The following ZNF722 variants were observed in gnomAD, a reference collection of about 807,000 sequenced individuals.
The protein encoded by ZNF722 is zinc finger protein 722, also known as zinc finger protein 479 pseudogene.
the ZNF722 span, among the ~76,000 whole-genome samples, chr7:64,006,753 A>G: frequency 6.6e-6 from 1 of 152,016 alleles, no homozygotes; most frequent in Non-Finnish European, 1.5e-5. Context: ...TACACAGGCC[A>G]TTCTGTTTTT....
the ZNF722 span, among the ~76,000 whole-genome samples, chr7:64,017,338 A>C: frequency 1.3e-5 from 1 of 76,218 alleles, no homozygotes; most frequent in Non-Finnish European, 3.4e-5. Flanking sequence ...GAGCCAACAC[A>C]GAGCTGCTAC....
the ZNF722 span, among the ~76,000 whole-genome samples, chr7:64,010,987 C>T: frequency 6.6e-6 from 1 of 151,984 alleles, no homozygotes; most frequent in East Asian, 1.9e-4. Flanking sequence ...ATCCCTTTAC[C>T]ATTATGTAAT....
At chr7:64,015,898 A>G in the ZNF722 span, 7 of 1,546,598 alleles carry the variant, frequency 4.5e-6, no homozygotes, top group African/African-American at 1.4e-5. Flanking sequence ...CATACTGGAG[A>G]GAAACCCTAC....
At chr7:64,010,851 G>T in the ZNF722 span, among the ~76,000 whole-genome samples, 6 of 152,222 alleles carry the variant, frequency 3.9e-5, no homozygotes, top group African/African-American at 1.4e-4. Flanking sequence ...GGGTGTTAAA[G>T]TCTCCCGATA....
At chr7:64,008,684 TCCA>T in the ZNF722 span, among the ~76,000 whole-genome samples, 1 of 152,214 alleles carries the variant, frequency 6.6e-6, no homozygotes, top group Non-Finnish European at 1.5e-5. Context: ...GTGTGATGCC[TCCA>T]GCTTTGTTCT....
the ZNF722 span, among the ~76,000 whole-genome samples, chr7:64,008,943 T>G: frequency 1.3e-5 from 2 of 152,226 alleles, no homozygotes; most frequent in African/African-American, 4.8e-5. Context: ...GAAGTTCTCC[T>G]TAAAGAGGTC....
At chr7:64,017,497 G>C in the ZNF722 span, among the ~76,000 whole-genome samples, 1 of 152,070 alleles carries the variant, frequency 6.6e-6, no homozygotes, top group Non-Finnish European at 1.5e-5. Flanking sequence ...AACATAAAGA[G>C]GATTGTTATA....
chr7:64,001,257 T>TG, the ZNF722 span, among the ~76,000 whole-genome samples: 1 of 152,182 alleles, frequency 6.6e-6, no homozygotes, highest in African/African-American at 2.4e-5. Flanking sequence ...CACCCTGAAC[T>TG]GGGCCTCAGT....
the ZNF722 span, chr7:63,999,098 T>C: frequency 7.2e-7 from 1 of 1,380,796 alleles, no homozygotes; most frequent in Non-Finnish European, 1.0e-6. Context: ...CAGTCAGCTC[T>C]GGAGTCTGAG....
the ZNF722 span, among the ~76,000 whole-genome samples, chr7:64,001,876 G>A: frequency 4.8e-4 from 73 of 151,682 alleles, no homozygotes; most frequent in Admixed American, 3.9e-4. Flanking sequence ...TTCTGGTTTC[G>A]TTGAAATATA....
the ZNF722 span, among the ~76,000 whole-genome samples, chr7:64,003,966 C>T: frequency 2.0e-5 from 3 of 152,024 alleles, no homozygotes; most frequent in African/African-American, 7.3e-5. Context: ...CGTGTATTGC[C>T]CAGAAAGTTC....
At chr7:64,015,389 T>C in the ZNF722 span, 7 of 1,528,436 alleles carry the variant, frequency 4.6e-6, no homozygotes, top group East Asian at 1.4e-4. Flanking sequence ...TAATTCATAC[T>C]AAGGAGAAGT....
chr7:64,003,755 T>G, the ZNF722 span, among the ~76,000 whole-genome samples: 1 of 152,202 alleles, frequency 6.6e-6, no homozygotes, highest in Non-Finnish European at 1.5e-5. Flanking sequence ...CACTACAAAT[T>G]TATGACCTGC....
At chr7:64,006,421 A>G in the ZNF722 span, 347 of 826,692 alleles carry the variant, frequency 4.2e-4, 3 homozygotes, top group African/African-American at 5.8e-3. Context: ...GCTTCGATGG[A>G]AAGAGTTTCT....
chr7:64,017,987 T>C, the ZNF722 span, among the ~76,000 whole-genome samples: 4 of 152,232 alleles, frequency 2.6e-5, no homozygotes, highest in Non-Finnish European at 4.4e-5. Flanking sequence ...ATCAGAGATA[T>C]AAGAGATTGT....
chr7:64,011,624 A>ATC, the ZNF722 span, among the ~76,000 whole-genome samples: 1 of 152,070 alleles, frequency 6.6e-6, no homozygotes, highest in Admixed American at 6.6e-5. Flanking sequence ...ATCTGCTGTT[A>ATC]GTCTGATGGG....
At chr7:64,006,155 C>G in the ZNF722 span, 2 of 846,358 alleles carry the variant, frequency 2.4e-6, no homozygotes, top group Non-Finnish European at 3.5e-6. Flanking sequence ...TCTTTACTAA[C>G]CATAATACTA....
At chr7:64,004,013 G>A in the ZNF722 span, among the ~76,000 whole-genome samples, 2 of 152,214 alleles carry the variant, frequency 1.3e-5, no homozygotes, top group African/African-American at 4.8e-5. Context: ...TCTCCAGGGT[G>A]CTAAAGAAAG....
chr7:64,005,857 T>C, the ZNF722 span: 1 of 1,001,476 alleles, frequency 1.0e-6, no homozygotes, highest in African/African-American at 1.7e-5. Context: ...AAGAAAATCT[T>C]GGGGATTCAT....
Sources: allele counts gnomAD v4.1 joint callset (sites outside exome capture counted in the v4.1 genomes callset), GRCh38; gene constraint gnomAD v4.1.1; transcripts MANE v1.5; gene names NCBI Gene and HGNC (gene_info 2026-07-23, HGNC 2026-07-21).